Variants in SOX6 observed in about 807,000 individuals in gnomAD.
SOX6 encodes transcription factor SOX-6.
In SOX6, 11 loss-of-function variants were observed where a neutral mutation model predicts 97.8. The observed-to-expected ratio is 0.11, with a 90% confidence interval of 0.07 to 0.19. SOX6 has a LOEUF of 0.19. Among genes scored for constraint, SOX6 ranks in the 10% least tolerant of loss-of-function variants. The pLI, the probability that SOX6 is intolerant of heterozygous loss-of-function variation, is 1.00. For synonymous variants in SOX6, 360 were observed against 371.4 expected (o/e 0.97, Z 0.35); for missense variants, 810 against 1,039.5 (o/e 0.78, Z 3.04).
intron 1 of SOX6, among the ~76,000 whole-genome samples, chr11:16,421,467 C>G (rs1040142032): frequency 5.9e-5 from 9 of 151,904 alleles, no homozygotes; most frequent in Non-Finnish European, 7.4e-5. Flanking sequence ...TATTTCATAC[C>G]CCTGAAGAGG....
In SOX6 at chr11:16,300,783, TAAG is replaced by T. The variant is rs1420687488; in HGVS notation, c.445+17660_445+17662del. ...CTCAACACTTCTAGATCTACATGTC[TAAG>T]AAGAATACAGAGTTTTCTTTGGCCA... On this transcript the variant is annotated intron_variant, in intron 3 of 15. Coordinates refer to ENST00000683767, the MANE Select transcript of SOX6 (RefSeq NM_001367873.1). This position sits in a 1 kb window ranked among gnomAD's most constrained non-coding sequence, Gnocchi z 4.1. 6.6e-6 allele frequency among the ~76,000 whole-genome samples: 1 copy of T among 152,200 alleles called. No individual in the cohort carries two copies. Among genetic ancestry groups the T allele is most frequent in the African/African-American group, 2.4e-5 (1 of 41,450 alleles).
At chr11:16,259,550 T>C (rs1853807649) in intron 3 of SOX6, among the ~76,000 whole-genome samples, 1 of 152,096 alleles carries the variant, frequency 6.6e-6, no homozygotes, top group Non-Finnish European at 1.5e-5. Flanking sequence ...AGTTAGTAAA[T>C]AGCTTGCATT....
At chr11:16,688,918 C>T (rs1032373370) in intron 3 of SOX6, among the ~76,000 whole-genome samples, 18 of 152,056 alleles carry the variant, frequency 1.2e-4, no homozygotes, top group Non-Finnish European at 2.6e-4. Context: ...CAGTTTGATC[C>T]TTTTGGGTCT....
At chr11:16,272,994 G>A (rs559518204) in intron 3 of SOX6, among the ~76,000 whole-genome samples, 1 of 151,988 alleles carries the variant, frequency 6.6e-6, no homozygotes, top group African/African-American at 2.4e-5. Flanking sequence ...ACCTGAAAAT[G>A]TTAGATAGAT....
chr11:16,450,705 A>G (rs1859700610), intron 1 of SOX6, among the ~76,000 whole-genome samples: 1 of 152,266 alleles, frequency 6.6e-6, no homozygotes, highest in Non-Finnish European at 1.5e-5. Context: ...AACATCTATC[A>G]TAAGAACTTA....
chr11:16,432,137 A>G (rs1000562846), intron 1 of SOX6, among the ~76,000 whole-genome samples: 3 of 151,950 alleles, frequency 2.0e-5, no homozygotes, highest in African/African-American at 7.2e-5. Flanking sequence ...CCATCCTTCT[A>G]CTCCTACTAA....
At chr11:16,067,193 G>T (rs905651476) in intron 9 of SOX6, among the ~76,000 whole-genome samples, 1 of 152,166 alleles carries the variant, frequency 6.6e-6, no homozygotes, top group African/African-American at 2.4e-5. Flanking sequence ...GAGACTGCTG[G>T]AAAGGCATGA....
chr11:16,312,343 A>T (rs1308754961), intron 3 of SOX6: 2 of 152,214 alleles, frequency 1.3e-5, no homozygotes, highest in African/African-American at 2.4e-5. Flanking sequence ...TTTGTCAGAC[A>T]GTTGAGAGTT....
At chr11:16,195,551 G>T (rs1222121554) in intron 4 of SOX6, among the ~76,000 whole-genome samples, 1 of 152,160 alleles carries the variant, frequency 6.6e-6, no homozygotes, top group Non-Finnish European at 1.5e-5. Flanking sequence ...GACAACCAAA[G>T]AGGTCAATAA....
In SOX6 at chr11:16,011,335, T is replaced by C. The variant is rs563136019; in HGVS notation, c.1732+3607A>G. 2.0e-5 allele frequency among the ~76,000 whole-genome samples: 3 copies of C among 152,216 alleles called. No individual in the cohort carries two copies. In the East Asian group the frequency reaches 5.8e-4, roughly 30 times the overall value. ...AACTGCTTCAAAGTATAACAAAACCTTAAACATGTTTCCTAAGTCCCCGGC... is the reference window on the plus strand; with the variant it reads ...AACTGCTTCAAAGTATAACAAAACCCTAAACATGTTTCCTAAGTCCCCGGC... On this transcript the variant is annotated intron_variant, in intron 13 of 15. Transcript: ENST00000683767.
chr11:16,080,583 T>A (rs940827306), intron 9 of SOX6, among the ~76,000 whole-genome samples: 1 of 152,190 alleles, frequency 6.6e-6, no homozygotes, highest in Non-Finnish European at 1.5e-5. Flanking sequence ...ACTCTAAAGA[T>A]CTTATTCAGA....
intron 1 of SOX6, among the ~76,000 whole-genome samples, chr11:16,391,013 T>TA (rs1221302394): frequency 1.3e-5 from 2 of 152,074 alleles, no homozygotes; most frequent in African/African-American, 2.4e-5. Flanking sequence ...TATGCAGCCA[T>TA]AAAAAAGGAT....
chr11:16,356,760 A>C (rs1001005735), upstream of SOX6, among the ~76,000 whole-genome samples: 4 of 152,118 alleles, frequency 2.6e-5, no homozygotes, highest in African/African-American at 9.7e-5. Context: ...CCATTCTGTC[A>C]TTTATAAAGA....
intron 1 of SOX6, among the ~76,000 whole-genome samples, chr11:16,415,554 C>A (rs141839530): frequency 6.6e-6 from 1 of 151,956 alleles, no homozygotes; most frequent in Admixed American, 6.6e-5. Flanking sequence ...TAGAAGACAG[C>A]ATGATTTTGA....
chr11:16,723,096 C>T (rs1010777300), intron 2 of SOX6, among the ~76,000 whole-genome samples: 1 of 152,070 alleles, frequency 6.6e-6, no homozygotes, highest in Non-Finnish European at 1.5e-5. Context: ...CAATTATAGA[C>T]TGGATAAAGA....
intron 4 of SOX6, among the ~76,000 whole-genome samples, chr11:16,206,460 G>A (rs894694720): frequency 3.9e-5 from 6 of 152,186 alleles, no homozygotes; most frequent in African/African-American, 1.2e-4. Flanking sequence ...TGAGGAAGAA[G>A]TATGGTGAAG....
chr11:16,647,026 C>T (rs902102383), intron 3 of SOX6, among the ~76,000 whole-genome samples: 5 of 152,194 alleles, frequency 3.3e-5, no homozygotes, highest in African/African-American at 1.2e-4. Context: ...GTTCCCTTCT[C>T]ACTGCATCCA....
intron 4 of SOX6, among the ~76,000 whole-genome samples, chr11:16,516,483 T>C (rs948234544): frequency 6.6e-6 from 1 of 152,058 alleles, no homozygotes; most frequent in African/African-American, 2.4e-5. Flanking sequence ...CAATAAAAAA[T>C]GATAAAGGGG....
Position 16,174,255 on chromosome 11 carries a change from C to T in SOX6, c.777+9631G>A, listed in dbSNP as rs1316720290. On this transcript the variant is annotated intron_variant, in intron 6 of 15. Transcript: ENST00000683767. ...GAGAAAAATTTTCCACTGAAACATA[C>T]ATGTATCAAAAGTTAGAGTCCAGAC... Among the ~76,000 whole-genome samples, 4 of 151,794 alleles carry T rather than the reference C, an allele frequency of 2.6e-5. No homozygotes were observed. In the South Asian group the frequency reaches 8.3e-4, roughly 31 times the overall value.
Sources: allele counts gnomAD v4.1 joint callset (sites outside exome capture counted in the v4.1 genomes callset), GRCh38; gene constraint gnomAD v4.1.1; non-coding constraint Gnocchi (gnomAD v3.1); transcripts MANE v1.5; gene names NCBI Gene and HGNC (gene_info 2026-07-23, HGNC 2026-07-21).